TLL2: variants seen among roughly 807,000 people sequenced by gnomAD.
The protein encoded by TLL2 is tolloid-like protein 2.
TLL2 carries 106 observed loss-of-function variants against 123.0 expected under a neutral mutation model. That is an observed-to-expected ratio of 0.86 (90% CI 0.74 to 1.01). The LOEUF is 1.01. Among genes scored for constraint, TLL2 ranks in the 50% least tolerant of loss-of-function variants. The pLI is 0.00. For synonymous variants in TLL2, 494 were observed against 516.8 expected, an observed-to-expected ratio of 0.96 and a Z score of 0.60; for missense variants, 1,332 against 1,336.7, an observed-to-expected ratio of 1.00 and a Z score of 0.06.
At chr10:96,486,727 G>T (rs1490835033) in intron 1 of TLL2, among the ~76,000 whole-genome samples, 4 of 152,198 alleles carry the variant, frequency 2.6e-5, no homozygotes, top group Non-Finnish European at 5.9e-5. Flanking sequence ...CATCTGTAGA[G>T]AGCACCCCTG....
chr10:96,378,911 C>T lies in TLL2; in HGVS notation c.2320+56G>A. The T allele has an allele frequency of 2.5e-6, 4 of 1,605,946 alleles. No homozygotes were observed. The South Asian group carries it at 3.3e-5, about 13-fold the overall frequency. On this transcript the variant is annotated intron_variant, in intron 17 of 20. Coordinates refer to ENST00000357947, the MANE Select transcript of TLL2 (RefSeq NM_012465.4). ...TTACTCATGCACATGCACACAGGGG[C>T]ATGGGGTGCGGCGAAGGGCAGCCCG...
intron 3 of TLL2, among the ~76,000 whole-genome samples, chr10:96,439,278 T>G (rs374876487): frequency 4.0e-5 from 6 of 149,870 alleles, no homozygotes; most frequent in African/African-American, 1.5e-4. Flanking sequence ...TTTTTGTGTT[T>G]TTAGTAGAGA....
intron 2 of TLL2, among the ~76,000 whole-genome samples, chr10:96,448,180 C>T (rs982272058): frequency 7.2e-5 from 11 of 152,198 alleles, no homozygotes; most frequent in African/African-American, 2.2e-4. Flanking sequence ...CTGCTCGTTC[C>T]GCTGCCTCCT....
intron 9 of TLL2, among the ~76,000 whole-genome samples, chr10:96,408,599 C>T (rs933640548): frequency 2.6e-5 from 4 of 152,228 alleles, no homozygotes; most frequent in African/African-American, 9.7e-5. Flanking sequence ...CCAGCAGGCA[C>T]ATGGATTTCA....
chr10:96,457,776 C>T (rs979121136), intron 2 of TLL2, among the ~76,000 whole-genome samples: 3 of 152,042 alleles, frequency 2.0e-5, no homozygotes, highest in East Asian at 3.9e-4. Flanking sequence ...GGGTGCACAG[C>T]GGGACACCAG....
In TLL2 at chr10:96,379,084, C is replaced by G; in HGVS notation, c.2203G>C (p.Glu735Gln). 1 of 1,614,076 alleles carries G rather than the reference C, an allele frequency of 6.2e-7. No homozygotes were observed. Among genetic ancestry groups the G allele is most frequent in the Non-Finnish European group, 8.5e-7 (1 of 1,179,928 alleles). The change falls in exon 17 of 21, where the codon GAG (glutamate) becomes CAG (glutamine). Residue 735 changes from glutamate (E) to glutamine (Q), a missense_variant. Transcript: ENST00000357947. ...CACCCGCCGTTGTCCTTGGCACACT[C>G]GTCCTTATCTGGGGAGATCAATGAA... Reference protein sequence around the residue: ...FRAHFFSDKDECAKDNGGCQH... With the variant: ...FRAHFFSDKDQCAKDNGGCQH...
At chr10:96,504,347 G>A (rs532026257) in intron 1 of TLL2, among the ~76,000 whole-genome samples, 1 of 152,100 alleles carries the variant, frequency 6.6e-6, no homozygotes, top group Non-Finnish European at 1.5e-5. Flanking sequence ...TGGTAGCTCA[G>A]GCCTGTAATC....
Position 96,380,692 on chromosome 10 carries a change from CAAAAAAAAAAAAAAAA to C in TLL2, c.2195-1616_2195-1601del, listed in dbSNP as rs57395382. 7.7e-4 allele frequency among the ~76,000 whole-genome samples: 41 copies of C among 53,106 alleles called. 1 individual carries two copies. The highest frequency in any genetic ancestry group is 1.4e-3 in the Admixed American group (5 of 3,526). 34.8% of individuals were successfully genotyped at this position (53,106 alleles called of 152,430 possible). A position where few individuals can be genotyped will look rare whatever the true frequency, so the allele number is the denominator to read the frequency against. ...TGGGCGACAGAGCGAGACTCTATCT[CAAAAAAAAAAAAAAAA>C]AAAAAAAAAAAAAAAGAATGCAGAA... On this transcript the variant is annotated intron_variant, in intron 16 of 20. Transcript: ENST00000357947.
intron 7 of TLL2, 77 bp downstream of exon 7, chr10:96,420,879 G>T: frequency 7.6e-7 from 1 of 1,315,698 alleles, no homozygotes; most frequent in Non-Finnish European, 1.1e-6. Flanking sequence ...CCCACTCTCC[G>T]CAGACCTCCA....
intron 10 of TLL2, among the ~76,000 whole-genome samples, chr10:96,400,709 TTTG>T (rs1159700820): frequency 2.6e-5 from 4 of 152,178 alleles, no homozygotes; most frequent in African/African-American, 9.7e-5. Context: ...AAAAAGGGCT[TTTG>T]TGTGCATTGT....
At chr10:96,502,029 C>T (rs921362832) in intron 1 of TLL2, among the ~76,000 whole-genome samples, 4 of 152,102 alleles carry the variant, frequency 2.6e-5, no homozygotes, top group South Asian at 2.1e-4. Flanking sequence ...AAAACAAAGG[C>T]GATGAGAAAC....
At chr10:96,411,271 A>AGTGG (rs1172132851) in intron 8 of TLL2, among the ~76,000 whole-genome samples, 1 of 51,072 alleles carries the variant, frequency 2.0e-5, no homozygotes. Flanking sequence ...AAAAAAAAAA[A>AGTGG]AAAAAAAAAA....
intron 20 of TLL2, among the ~76,000 whole-genome samples, chr10:96,368,628 A>G (rs1028476194): frequency 2.6e-5 from 4 of 152,240 alleles, no homozygotes; most frequent in African/African-American, 4.8e-5. Context: ...TCCTTCTGAC[A>G]GTAAAGGATG....
intron 3 of TLL2, among the ~76,000 whole-genome samples, chr10:96,437,406 G>T (rs1846807506): frequency 6.6e-6 from 1 of 152,118 alleles, no homozygotes; most frequent in South Asian, 2.1e-4. Flanking sequence ...AGCATTACTT[G>T]TACTCATTTG....
chr10:96,383,084 G>A (rs1467194191), intron 16 of TLL2, among the ~76,000 whole-genome samples: 2 of 150,906 alleles, frequency 1.3e-5, no homozygotes, highest in African/African-American at 4.9e-5. Context: ...AACAGTGGGG[G>A]GATTATTCGT....
intron 1 of TLL2, among the ~76,000 whole-genome samples, chr10:96,505,905 G>C (rs141932094): frequency 6.6e-6 from 1 of 152,140 alleles, no homozygotes; most frequent in East Asian, 1.9e-4. Flanking sequence ...ATACACAAAC[G>C]GACACTGAGG....
chr10:96,416,576 C>T (rs1846564251), intron 7 of TLL2, among the ~76,000 whole-genome samples: 1 of 152,234 alleles, frequency 6.6e-6, no homozygotes, highest in African/African-American at 2.4e-5. Flanking sequence ...TCCTTCCAGC[C>T]AGTGTTTCCT....
intron 17 of TLL2, among the ~76,000 whole-genome samples, chr10:96,377,437 A>G (rs1386957829): frequency 6.6e-6 from 1 of 152,228 alleles, no homozygotes; most frequent in African/African-American, 2.4e-5. Context: ...AATGCCTGGC[A>G]TCTTGGCCAA....
chr10:96,431,857 A>C (rs1017749617), intron 4 of TLL2, among the ~76,000 whole-genome samples: 3 of 152,186 alleles, frequency 2.0e-5, no homozygotes, highest in Admixed American at 6.5e-5. Context: ...AATGATAAGA[A>C]GAAGACAGCC....
Sources: allele counts gnomAD v4.1 joint callset (sites outside exome capture counted in the v4.1 genomes callset), GRCh38; gene constraint gnomAD v4.1.1; transcripts MANE v1.5; gene names NCBI Gene and HGNC (gene_info 2026-07-23, HGNC 2026-07-21).